ROBO2: variants seen among roughly 807,000 people sequenced by gnomAD.
The protein encoded by ROBO2 is roundabout homolog 2.
A neutral mutation model predicts 160.8 loss-of-function variants in ROBO2; 53 were observed. That is an observed-to-expected ratio of 0.33 (90% confidence interval 0.26 to 0.41). ROBO2 has a LOEUF of 0.41. ROBO2 is among the 10% of genes least tolerant of loss of function. The pLI is 1.00. For missense variants in ROBO2, 1,577 were observed against 1,722.4 expected (o/e 0.92, Z 1.49); for synonymous variants, 664 against 611.7 (o/e 1.09, Z -1.26).
chr3:76,535,578 C>G (rs2082451048), intron 2 of ROBO2, among the ~76,000 whole-genome samples: 1 of 151,844 alleles, frequency 6.6e-6, no homozygotes, highest in Non-Finnish European at 1.5e-5. Context: ...GGCTGTAGCC[C>G]AGGAATAGTC....
rs182541442 is a variant in ROBO2, at chr3:76,884,470, A to G, written c.110-213544A>G. Among the ~76,000 whole-genome samples, 92 of 152,286 alleles carry G rather than the reference A, an allele frequency of 6.0e-4. 1 individual carries two copies. The East Asian group carries it at 0.011, about 18-fold the overall frequency. ...GTAGAGCAGCAAACACATTACTGTT[A>G]TGGCTGCAGAGAAACGCAGCAGAGA... On this transcript the variant is annotated intron_variant, in intron 2 of 26. Coordinates refer to the ROBO2 transcript ENST00000487694.
At chr3:76,982,693 T>C (rs1352414450) in intron 2 of ROBO2, among the ~76,000 whole-genome samples, 1 of 149,842 alleles carries the variant, frequency 6.7e-6, no homozygotes, top group Non-Finnish European at 1.5e-5. Context: ...CTTATTAATT[T>C]ATACCTATTT....
intron 2 of ROBO2, among the ~76,000 whole-genome samples, chr3:77,134,736 A>G (rs1424387538): frequency 1.3e-5 from 2 of 152,206 alleles, no homozygotes; most frequent in African/African-American, 4.8e-5. Context: ...TAATTTAATA[A>G]GAAACTCCCA....
intron 2 of ROBO2, among the ~76,000 whole-genome samples, chr3:75,977,666 A>G (rs1349977759): frequency 6.6e-6 from 1 of 151,506 alleles, no homozygotes; most frequent in African/African-American, 2.4e-5. Context: ...AACGCTCATG[A>G]TAAGGAAATT....
chr3:77,011,087 TTTTC>T (rs759897429), intron 2 of ROBO2, among the ~76,000 whole-genome samples: 16,807 of 70,626 alleles, frequency 0.24, 1,392 homozygotes, highest in African/African-American at 0.4. Context: ...CTTTCTTTCT[TTTTC>T]TTTCTATCTT....
chr3:76,955,188 G>C (rs936264040), intron 2 of ROBO2, among the ~76,000 whole-genome samples: 3 of 152,144 alleles, frequency 2.0e-5, no homozygotes, highest in Non-Finnish European at 2.9e-5. Context: ...TCATATCATA[G>C]CATGCATCAG....
At chr3:76,564,807 G>T (rs1442531865) in intron 2 of ROBO2, among the ~76,000 whole-genome samples, 1 of 152,176 alleles carries the variant, frequency 6.6e-6, no homozygotes, top group African/African-American at 2.4e-5. Context: ...TGGTTTAAGA[G>T]ATTTTCTTGT....
intron 2 of ROBO2, among the ~76,000 whole-genome samples, chr3:76,360,431 A>G (rs1036194230): frequency 5.3e-5 from 8 of 152,102 alleles, no homozygotes; most frequent in Non-Finnish European, 1.0e-4. Context: ...TATGTAAAGT[A>G]TTTGACTTTG....
chr3:76,899,155 C>T (rs906748373), intron 2 of ROBO2, among the ~76,000 whole-genome samples: 1 of 151,918 alleles, frequency 6.6e-6, no homozygotes, highest in Non-Finnish European at 1.5e-5. Flanking sequence ...ATAAATAAAA[C>T]CAGATTTATT....
intron 2 of ROBO2, among the ~76,000 whole-genome samples, chr3:77,416,983 T>C (rs1359271304): frequency 6.6e-6 from 1 of 152,174 alleles, no homozygotes; most frequent in Non-Finnish European, 1.5e-5. Flanking sequence ...GAGTTCATTA[T>C]GTACATGTTG....
At chr3:76,330,401 A>C (rs1238008924) in intron 2 of ROBO2, among the ~76,000 whole-genome samples, 1 of 152,238 alleles carries the variant, frequency 6.6e-6, no homozygotes, top group Non-Finnish European at 1.5e-5. Flanking sequence ...TCATGCCTGC[A>C]TGAGTATTAG....
chr3:76,745,147 T>C (rs2093865211), intron 2 of ROBO2, among the ~76,000 whole-genome samples: 1 of 152,188 alleles, frequency 6.6e-6, no homozygotes, highest in Non-Finnish European at 1.5e-5. Flanking sequence ...ATTTGCGTAT[T>C]AACAAGTTAA....
intron 2 of ROBO2, among the ~76,000 whole-genome samples, chr3:75,937,841 T>TTATA (rs1158457510): frequency 0.13 from 14,008 of 104,942 alleles, 1,107 homozygotes; most frequent in East Asian, 0.16. Flanking sequence ...GGAATTGATT[T>TTATA]TATATATATA....
At chr3:77,482,100 TATG>T (rs2153589862) in intron 4 of ROBO2, among the ~76,000 whole-genome samples, 1 of 152,270 alleles carries the variant, frequency 6.6e-6, no homozygotes, top group East Asian at 1.9e-4. Flanking sequence ...CATGTACACA[TATG>T]TATGTATGTG....
At chr3:76,310,734 T>A (rs573698478) in intron 2 of ROBO2, among the ~76,000 whole-genome samples, 2 of 152,344 alleles carry the variant, frequency 1.3e-5, no homozygotes, top group South Asian at 4.1e-4. Flanking sequence ...GCCCTTAATA[T>A]TCTGAAGCTG....
intron 2 of ROBO2, among the ~76,000 whole-genome samples, chr3:76,129,663 A>C (rs1346315979): frequency 6.6e-6 from 1 of 152,126 alleles, no homozygotes; most frequent in Non-Finnish European, 1.5e-5. Context: ...GTTTATGTGC[A>C]AAAAACATAC....
chr3:77,623,365 C>T (rs2094939292), intron 23 of ROBO2, among the ~76,000 whole-genome samples: 1 of 152,126 alleles, frequency 6.6e-6, no homozygotes, highest in Admixed American at 6.5e-5. Flanking sequence ...AGATATTTTA[C>T]CACAATCCCG....
intron 2 of ROBO2, among the ~76,000 whole-genome samples, chr3:76,278,072 C>G (rs1255250536): frequency 6.6e-6 from 1 of 151,634 alleles, no homozygotes; most frequent in Non-Finnish European, 1.5e-5. Flanking sequence ...CGGTGAAATG[C>G]AATATTGTCA....
At chr3:76,130,241 A>G (rs1014408905) in intron 2 of ROBO2, among the ~76,000 whole-genome samples, 4 of 152,102 alleles carry the variant, frequency 2.6e-5, no homozygotes, top group African/African-American at 9.6e-5. Flanking sequence ...CTTTTACCCA[A>G]GAGAGCAAGA....
Sources: gnomAD v4.1 joint callset for allele counts (sites outside exome capture counted in the v4.1 genomes callset) on GRCh38, gnomAD v4.1.1 for gene constraint, MANE v1.5 for transcripts, NCBI Gene and HGNC (gene_info 2026-07-23, HGNC 2026-07-21) for gene names.